Variants in PTPN13 observed in about 807,000 individuals in gnomAD.
The protein encoded by PTPN13 is protein tyrosine phosphatase non-receptor type 13, also known as tyrosine-protein phosphatase non-receptor type 13.
PTPN13 carries 191 observed loss-of-function variants against 284.0 expected under a neutral mutation model. That is an observed-to-expected ratio of 0.67 (90% CI 0.60 to 0.76). The LOEUF (loss-of-function observed/expected upper bound fraction) is 0.76. PTPN13 is among the 30% of genes least tolerant of loss of function. The pLI, the probability that PTPN13 is intolerant of heterozygous loss-of-function variation, is 0.00. For synonymous variants in PTPN13, 986 were observed against 1,022.3 expected, an observed-to-expected ratio of 0.96 and a Z score of 0.68; for missense variants, 2,797 against 2,939.9, an observed-to-expected ratio of 0.95 and a Z score of 1.12.
chr4:86,755,711 G>T (rs1737890787), intron 20 of PTPN13, among the ~76,000 whole-genome samples: 1 of 151,974 alleles, frequency 6.6e-6, no homozygotes, highest in Admixed American at 6.6e-5. Flanking sequence ...TGTAAAATAG[G>T]CTTTGTTTTA....
chr4:86,777,515 A>G (rs565019365), intron 35 of PTPN13, among the ~76,000 whole-genome samples: 2 of 152,332 alleles, frequency 1.3e-5, no homozygotes, highest in South Asian at 4.1e-4. Flanking sequence ...TTCTTTTGCC[A>G]TATAAATAGT....
At chr4:86,674,794 A>G (rs79582404) in intron 3 of PTPN13, among the ~76,000 whole-genome samples, 1 of 152,206 alleles carries the variant, frequency 6.6e-6, no homozygotes, top group South Asian at 2.1e-4. Flanking sequence ...AAGGTATTCA[A>G]GTGTACCAGT....
chr4:86,759,949 A>G (rs1738471227), intron 23 of PTPN13, among the ~76,000 whole-genome samples: 2 of 152,230 alleles, frequency 1.3e-5, no homozygotes, highest in African/African-American at 4.8e-5. Context: ...TGGGAAATAC[A>G]TAAAAGAATT....
intron 23 of PTPN13, among the ~76,000 whole-genome samples, chr4:86,760,495 T>C (rs1738547777): frequency 6.6e-6 from 1 of 152,186 alleles, no homozygotes; most frequent in South Asian, 2.1e-4. Flanking sequence ...TATTCATTTG[T>C]CCAACAAATA....
At chr4:86,744,904 C>G in intron 16 of PTPN13, 62 bp from the exon 17 acceptor site, 1 of 1,280,060 alleles carries the variant, frequency 7.8e-7, no homozygotes. Flanking sequence ...CAGTGCCTAA[C>G]AAGAAATATA....
At chr4:86,744,829 G>A (rs1261322362) in intron 16 of PTPN13, 137 bp from the exon 17 acceptor site, 2 of 702,536 alleles carry the variant, frequency 2.8e-6, no homozygotes, top group Admixed American at 6.0e-5. Flanking sequence ...CTTGGAACAT[G>A]TCTTTATTGT....
chr4:86,616,626 C>T (rs533039413), intron 1 of PTPN13, among the ~76,000 whole-genome samples: 49 of 152,062 alleles, frequency 3.2e-4, no homozygotes, highest in African/African-American at 1.1e-3. Context: ...TGGGTTCATA[C>T]GAGGTCAGGT....
Position 86,771,448 on chromosome 4 carries a change from A to T in PTPN13, c.5081A>T (p.His1694Leu), listed in dbSNP as rs777105349. The T allele has an allele frequency of 2.6e-6, 4 of 1,565,740 alleles. No homozygotes were observed. Among genetic ancestry groups the T allele is most frequent in the Non-Finnish European group, 3.5e-6 (4 of 1,153,498 alleles). The change falls in exon 31 of 48, where the codon CAT becomes CTT. Residue 1694 changes from histidine (H) to leucine (L), a missense_variant. His to Leu is a moderately conservative substitution (Grantham distance 99). Transcript: ENST00000411767. ...SNMVSQAQSH[H>L]EAPKSQEDTI... ...ATGGTATCACAGGCACAGAGTCATC[A>T]TGAAGCACCCAAGAGTCAAGAAGAT...
chr4:86,685,759 C>T (rs1332343033), intron 3 of PTPN13, among the ~76,000 whole-genome samples: 1 of 152,216 alleles, frequency 6.6e-6, no homozygotes, highest in Non-Finnish European at 1.5e-5. Flanking sequence ...AAAACTCTTA[C>T]ATGTACTTCT....
chr4:86,668,016 T>G (rs900813664), intron 2 of PTPN13, among the ~76,000 whole-genome samples: 4 of 152,156 alleles, frequency 2.6e-5, no homozygotes, highest in Admixed American at 2.6e-4. Context: ...AAAAGAACAT[T>G]GGAAAGAAGC....
At chr4:86,639,151 GGC>G in intron 2 of PTPN13, among the ~76,000 whole-genome samples, 2 of 151,594 alleles carry the variant, frequency 1.3e-5, no homozygotes, top group Non-Finnish European at 3.0e-5. Flanking sequence ...CAGTTAGAAT[GGC>G]AATCATTAAA....
chr4:86,624,292 A>G (rs1239441590), intron 1 of PTPN13, among the ~76,000 whole-genome samples: 1 of 152,042 alleles, frequency 6.6e-6, no homozygotes, highest in African/African-American at 2.4e-5. Flanking sequence ...CTCTCTACTT[A>G]TTTGTTGGTT....
chr4:86,801,508 C>A (rs1418610993), intron 42 of PTPN13, among the ~76,000 whole-genome samples: 2 of 152,092 alleles, frequency 1.3e-5, no homozygotes, highest in African/African-American at 4.8e-5. Context: ...TACAGCTAAG[C>A]ATACTTGTAA....
At position 86,785,307 on chromosome 4, in the gene PTPN13, G is replaced by A. The variant is rs200117330; in HGVS notation, c.6195G>A (p.Val2065=). The A allele has an allele frequency of 1.0e-3, 1,676 of 1,609,960 alleles. 7 individuals are homozygous for A. Among genetic ancestry groups the A allele is most frequent in the Middle Eastern group, 2.0e-3 (12 of 6,052 alleles). Residue 2065 remains valine (V), a synonymous_variant, in exon 39 of 48, where the codon GTG becomes GTA. Transcript: ENST00000411767. The part of the protein sequence containing the change: ...AEVIQSLLDV[V]DEEAQNLLNE... The stretch of plus-strand genomic sequence containing the variant: ...TTATCCAGTCTCTGCTGGATGTTGT[G>A]GATGAGGAAGCCCAGAATCTTTTAA...
chr4:86,608,766 T>C (rs931056928), intron 1 of PTPN13, among the ~76,000 whole-genome samples: 11 of 152,146 alleles, frequency 7.2e-5, no homozygotes, highest in Non-Finnish European at 1.3e-4. Flanking sequence ...TTTATAACTT[T>C]TAGTTCAGAG....
At chr4:86,788,923 G>T (rs1380788012) in intron 40 of PTPN13, among the ~76,000 whole-genome samples, 1 of 152,158 alleles carries the variant, frequency 6.6e-6, no homozygotes, top group Non-Finnish European at 1.5e-5. Flanking sequence ...GGGGGAAATG[G>T]TAGGGGCTAC....
chr4:86,758,925 A>C lies in PTPN13; in HGVS notation c.3422-17A>C, dbSNP rs1738335566. 1 of 1,605,872 alleles carries C rather than the reference A, an allele frequency of 6.2e-7. No homozygotes were observed. Among genetic ancestry groups the C allele is most frequent in the Non-Finnish European group, 8.5e-7 (1 of 1,176,734 alleles). ...GTATCTTTGTTGTTGAAAATACTGG[A>C]TTGTCTATTTGTACAGGAGACCGTT... On this transcript the variant is annotated splice_polypyrimidine_tract_variant and intron_variant, in intron 22 of 47. Transcript: ENST00000411767.
chr4:86,772,809 C>T lies in PTPN13; in HGVS notation c.5200C>T (p.Pro1734Ser), dbSNP rs889103322. Residue 1734 changes from proline to serine, a missense_variant, in exon 32 of 48, where the codon CCT becomes TCT. Coordinates refer to ENST00000411767, the MANE Select transcript of PTPN13 (RefSeq NM_080683.3). ...TTCCCCTCTACCACCGGATATGGCT[C>T]CTGGGCAGAGTTATCAACCCCAATC... ...NPSPLPPDMAPGQSYQPQSES... is the reference protein window; with the variant it reads ...NPSPLPPDMASGQSYQPQSES... The T allele has an allele frequency of 6.2e-7, 1 of 1,612,120 alleles. No homozygotes were observed. The highest frequency in any genetic ancestry group is 1.1e-5 in the South Asian group (1 of 90,606).
Position 86,765,398 on chromosome 4 carries a change from G to A in PTPN13, c.4153G>A (p.Gly1385Ser). ...DNSLGISVTG[G>S]VNTSVRHGGI... is the part of the protein sequence containing the mutation. Reference sequence around the variant, plus strand: ...TATTTTGTCTTTTTCTCTTTAGGGAGGTGTGAATACGAGTGTCAGACATGG... The same window carrying A: ...TATTTTGTCTTTTTCTCTTTAGGGAAGTGTGAATACGAGTGTCAGACATGG... The change falls in exon 26 of 48, where the codon GGT (glycine) becomes AGT (serine). Residue 1385 changes from glycine (G) to serine (S), a missense_variant. Coordinates refer to ENST00000411767, the MANE Select transcript of PTPN13 (RefSeq NM_080683.3). The A allele has an allele frequency of 1.3e-6, 2 of 1,594,636 alleles. No individual in the cohort carries two copies. Among genetic ancestry groups the A allele is most frequent in the Non-Finnish European group, 8.6e-7 (1 of 1,169,494 alleles).
Sources: allele counts gnomAD v4.1 joint callset (sites outside exome capture counted in the v4.1 genomes callset), GRCh38; gene constraint gnomAD v4.1.1; transcripts MANE v1.5; gene names NCBI Gene and HGNC (gene_info 2026-07-23, HGNC 2026-07-21).